CUL2: variants seen among roughly 807,000 people sequenced by gnomAD.
CUL2 encodes the protein cullin-2.
In CUL2, 22 loss-of-function variants were observed where a neutral mutation model predicts 110.2. The ratio of observed to expected loss-of-function variants is 0.20; its 90% confidence interval spans 0.14 to 0.28. The LOEUF is 0.28. CUL2 is among the 10% of genes least tolerant of loss of function. The probability of loss-of-function intolerance (pLI) is 1.00; values close to 1 mark genes in which losing one functional copy is unlikely to be tolerated. For synonymous variants in CUL2, 279 were observed against 293.2 expected, an observed-to-expected ratio of 0.95 and a Z score of 0.49; for missense variants, 631 against 905.5, an observed-to-expected ratio of 0.70 and a Z score of 3.89.
chr10:35,118,849 C>T (rs924060751), intron 1 of CUL2: 2 of 152,196 alleles, frequency 1.3e-5, no homozygotes, highest in Non-Finnish European at 2.9e-5. Context: ...GATAATGATC[C>T]AGTTAAAGCA....
At chr10:35,122,618 T>C (rs2087690179) in intron 1 of CUL2, among the ~76,000 whole-genome samples, 1 of 152,166 alleles carries the variant, frequency 6.6e-6, no homozygotes, top group African/African-American at 2.4e-5. Context: ...GTAGTAATAA[T>C]ATCCTTATTT....
chr10:35,055,979 T>C (rs1926556), intron 4 of CUL2, among the ~76,000 whole-genome samples: 46,581 of 152,090 alleles, frequency 0.31, 7,424 homozygotes, highest in South Asian at 0.35. Context: ...ACCTTTCAGG[T>C]GTGCCCTGAA....
In CUL2 at chr10:35,039,006, T is replaced by C; in HGVS notation, c.791A>G (p.His264Arg). ...LHPSSYTKVIHECQQRMVADH... is the reference protein window; with the variant it reads ...LHPSSYTKVIRECQQRMVADH... ...TGCTACCATTCGTTGTTGACATTCA[T>C]GAATCACCTTAGTATATGAACTTGG... is the stretch of plus-strand genomic sequence containing the variant. The change falls in exon 9 of 21, where the codon CAT (histidine) becomes CGT (arginine). Residue 264 changes from histidine (H) to arginine (R), a missense_variant. Physicochemically the swap from His to Arg is conservative, Grantham distance 29. Around this residue, in one of 3 missense-constraint regions of CUL2, gnomAD observed 338 missense variants for 442.5 expected, o/e 0.76. Coordinates refer to ENST00000374749, the MANE Select transcript of CUL2 (RefSeq NM_003591.4). The C allele has an allele frequency of 6.2e-7, 1 of 1,609,154 alleles. No individual in the cohort carries two copies. Among genetic ancestry groups the C allele is most frequent in the African/African-American group, 1.3e-5 (1 of 74,954 alleles).
At chr10:35,110,291 C>T (rs2087509853) in intron 1 of CUL2, among the ~76,000 whole-genome samples, 1 of 152,184 alleles carries the variant, frequency 6.6e-6, no homozygotes, top group Non-Finnish European at 1.5e-5. Context: ...TATCCAGGCA[C>T]AGTGGCTCAT....
At chr10:35,065,110 T>G (rs116830988) in intron 2 of CUL2, among the ~76,000 whole-genome samples, 2,957 of 152,350 alleles carry the variant, frequency 0.019, 94 homozygotes, top group African/African-American at 0.068. Flanking sequence ...CAATTAACTA[T>G]GTTCTTTTTC....
At position 35,085,006 on chromosome 10, in the gene CUL2, G is replaced by C. The variant is rs539929253; in HGVS notation, c.-23+5173C>G. 6.7e-4 allele frequency among the ~76,000 whole-genome samples: 102 copies of C among 151,994 alleles called. 1 individual carries two copies. Among genetic ancestry groups the C allele is most frequent in the African/African-American group, 2.4e-3 (99 of 41,452 alleles). ...GTGGTGGTGGGCGCCTGTAATCCCAGTTACTTGGGAAGCTGAGGCAGGAGA... is the reference window on the plus strand; with the variant it reads ...GTGGTGGTGGGCGCCTGTAATCCCACTTACTTGGGAAGCTGAGGCAGGAGA... On this transcript the variant is annotated intron_variant, in intron 1 of 20. Coordinates refer to ENST00000374749, the MANE Select transcript of CUL2 (RefSeq NM_003591.4).
At chr10:35,068,282 C>A (rs2086587644) in intron 2 of CUL2, among the ~76,000 whole-genome samples, 2 of 151,974 alleles carry the variant, frequency 1.3e-5, no homozygotes, top group African/African-American at 2.4e-5. Flanking sequence ...ATTAGCCAGG[C>A]ATGGTGGCGG....
At chr10:35,121,382 C>A (rs934059370) in intron 1 of CUL2, among the ~76,000 whole-genome samples, 1 of 152,190 alleles carries the variant, frequency 6.6e-6, no homozygotes, top group Non-Finnish European at 1.5e-5. Flanking sequence ...CACACCATCA[C>A]GCCCAGCTGA....
chr10:35,049,823 C>A, intron 5 of CUL2, 58 bp from the exon 6 acceptor site: 2 of 1,162,858 alleles, frequency 1.7e-6, no homozygotes, highest in East Asian at 2.4e-5. Context: ...TTTAACATTT[C>A]CTCAAGGTTT....
intron 19 of CUL2, among the ~76,000 whole-genome samples, chr10:35,013,358 A>AAAC: frequency 6.6e-6 from 1 of 152,132 alleles, no homozygotes; most frequent in South Asian, 2.1e-4. Flanking sequence ...AAAAAAAAAA[A>AAAC]AAATGAACTG....
chr10:35,072,414 G>A (rs1010989263), intron 1 of CUL2, among the ~76,000 whole-genome samples: 1 of 151,688 alleles, frequency 6.6e-6, no homozygotes, highest in Non-Finnish European at 1.5e-5. Context: ...TGTTGCCCAG[G>A]CTGGAGTGCA....
chr10:35,010,372 A>G lies in CUL2; in HGVS notation c.2177T>C (p.Ile726Thr). 1 of 1,612,058 alleles carries G rather than the reference A, an allele frequency of 6.2e-7. No individual in the cohort carries two copies. The highest frequency in any genetic ancestry group is 8.5e-7 in the Non-Finnish European group (1 of 1,179,032). The part of the protein sequence containing the change: ...SMIKKCIEVL[I>T]DKQYIERSQA... ...GCTGCGTTCTATGTATTGTTTGTCT[A>G]TCAGAACTTCAATACACTTCTTAAT... is the stretch of plus-strand genomic sequence containing the variant. Residue 726 changes from isoleucine to threonine, a missense_variant, in exon 21 of 21, where the codon ATA (isoleucine) becomes ACA (threonine). Transcript: ENST00000374749.
chr10:35,070,120 G>A (rs1292672256), intron 2 of CUL2, among the ~76,000 whole-genome samples: 1 of 152,064 alleles, frequency 6.6e-6, no homozygotes, highest in Non-Finnish European at 1.5e-5. Flanking sequence ...TTCCTTATCC[G>A]TTACAGTCAA....
At chr10:35,103,970 G>A (rs2135114172) in intron 1 of CUL2, among the ~76,000 whole-genome samples, 1 of 152,192 alleles carries the variant, frequency 6.6e-6, no homozygotes, top group East Asian at 1.9e-4. Context: ...AAACGCTAGT[G>A]CCTGGCATAG....
Position 35,063,022 on chromosome 10 carries a change from C to G in CUL2, c.160G>C (p.Gly54Arg). The G allele has an allele frequency of 6.2e-7, 1 of 1,610,948 alleles. No individual in the cohort carries two copies. Among genetic ancestry groups the G allele is most frequent in the Non-Finnish European group, 8.5e-7 (1 of 1,177,508 alleles). The change falls in exon 3 of 21, where the codon GGA becomes CGA. Residue 54 changes from glycine to arginine, a missense_variant. Physicochemically the swap from Gly to Arg is moderately radical, Grantham distance 125. Coordinates refer to ENST00000374749, the MANE Select transcript of CUL2 (RefSeq NM_003591.4). The part of the protein sequence containing the change: ...ALCVAYPEPL[G>R]ERLYTETKIF... Reference sequence around the variant, plus strand: ...TTAGTTTCTGTATAAAGTCTTTCTCCAAGGGGTTCAGGATAGGCCACACAT... The same window carrying G: ...TTAGTTTCTGTATAAAGTCTTTCTCGAAGGGGTTCAGGATAGGCCACACAT...
chr10:35,099,417 T>G (rs548366093), intron 2 of CUL2: 1 of 151,248 alleles, frequency 6.6e-6, no homozygotes, highest in East Asian at 1.9e-4. Context: ...AAAATTAACT[T>G]GTACCAAGTG....
intron 1 of CUL2, among the ~76,000 whole-genome samples, chr10:35,082,274 C>T (rs1355472105): frequency 6.6e-6 from 1 of 152,124 alleles, no homozygotes; most frequent in Non-Finnish European, 1.5e-5. Flanking sequence ...AGATATTACG[C>T]TAAGTCAAAT....
chr10:35,019,802 G>T (rs1331793589), intron 17 of CUL2, among the ~76,000 whole-genome samples: 1 of 152,142 alleles, frequency 6.6e-6, no homozygotes, highest in South Asian at 2.1e-4. Flanking sequence ...TCACCATTTT[G>T]CAACCAGTAA....
At position 35,016,402 on chromosome 10, in the gene CUL2, TAAAAC is replaced by T. The variant is rs1165969235; in HGVS notation, c.1685-13_1685-9del. ...AGTTCATTTTAACTTCACCTACAAT[TAAAAC>T]AAAAACTGACAGTGAATTGACCATT... On this transcript the variant is annotated splice_polypyrimidine_tract_variant and intron_variant, in intron 17 of 20. Coordinates refer to ENST00000374749, the MANE Select transcript of CUL2 (RefSeq NM_003591.4). 1.3e-6 allele frequency: 2 copies of T among 1,582,342 alleles called. No homozygotes were observed. Among genetic ancestry groups the T allele is most frequent in the African/African-American group, 2.7e-5 (2 of 74,314 alleles).
Sources: allele counts gnomAD v4.1 joint callset (sites outside exome capture counted in the v4.1 genomes callset), GRCh38; gene constraint gnomAD v4.1.1; regional missense constraint gnomAD v4.1.1; transcripts MANE v1.5; gene names NCBI Gene and HGNC (gene_info 2026-07-23, HGNC 2026-07-21).